Variants in NCKAP5 observed in about 807,000 individuals in gnomAD.
NCKAP5 encodes nck-associated protein 5.
Under a neutral mutation model 167.0 loss-of-function variants are expected in NCKAP5, and 92 were observed. That is an observed-to-expected ratio of 0.55 (90% CI 0.47 to 0.66). The LOEUF (loss-of-function observed/expected upper bound fraction) is 0.66. Ranked by LOEUF, NCKAP5 falls within the 30% of genes least tolerant of loss-of-function variation. The probability of loss-of-function intolerance (pLI) is 0.00; values close to 1 mark genes in which losing one functional copy is unlikely to be tolerated. For missense variants in NCKAP5, 2,378 were observed against 2,315.0 expected (o/e 1.03, Z -0.56); for synonymous variants, 891 against 877.4 (o/e 1.02, Z -0.27).
At chr2:132,928,220 C>T (rs1696069763) in intron 8 of NCKAP5, among the ~76,000 whole-genome samples, 1 of 152,072 alleles carries the variant, frequency 6.6e-6, no homozygotes, top group African/African-American at 2.4e-5. Context: ...AAAATGGTTA[C>T]AATAATACAA....
chr2:132,769,375 T>G (rs1681821895), intron 16 of NCKAP5, among the ~76,000 whole-genome samples: 1 of 152,206 alleles, frequency 6.6e-6, no homozygotes, highest in Admixed American at 6.5e-5. Flanking sequence ...TCAAAGACAT[T>G]AGTTAATATT....
chr2:133,140,943 CA>C (rs1443286142), intron 5 of NCKAP5, among the ~76,000 whole-genome samples: 1 of 151,982 alleles, frequency 6.6e-6, no homozygotes, highest in Non-Finnish European at 1.5e-5. Flanking sequence ...CAAACACAGT[CA>C]CAAAACCCCA....
chr2:132,890,839 T>C (rs1369061718), intron 8 of NCKAP5, among the ~76,000 whole-genome samples: 1 of 152,206 alleles, frequency 6.6e-6, no homozygotes, highest in African/African-American at 2.4e-5. Flanking sequence ...CTAGGGCTGC[T>C]GGGCATCTTG....
chr2:133,529,570 T>C (rs2104819477), intron 2 of NCKAP5, among the ~76,000 whole-genome samples: 1 of 152,364 alleles, frequency 6.6e-6, no homozygotes, highest in African/African-American at 2.4e-5. Flanking sequence ...TGAGTTTCTC[T>C]ATAAAGCATA....
At chr2:133,469,196 G>C (rs952965887) in intron 3 of NCKAP5, among the ~76,000 whole-genome samples, 1 of 151,676 alleles carries the variant, frequency 6.6e-6, no homozygotes, top group African/African-American at 2.4e-5. Flanking sequence ...GCTCTTTTAG[G>C]GCAGGCCTGG....
intron 3 of NCKAP5, among the ~76,000 whole-genome samples, chr2:133,385,655 C>T (rs1425025135): frequency 1.3e-5 from 2 of 152,064 alleles, no homozygotes; most frequent in Admixed American, 6.6e-5. Context: ...TGGTAGAATT[C>T]GGCTGTGAAT....
At chr2:133,510,886 A>G (rs1444412822) in intron 3 of NCKAP5, among the ~76,000 whole-genome samples, 2 of 152,216 alleles carry the variant, frequency 1.3e-5, no homozygotes, top group African/African-American at 4.8e-5. Flanking sequence ...TCTCATTTGT[A>G]AAATAGGGGT....
intron 3 of NCKAP5, among the ~76,000 whole-genome samples, chr2:133,373,323 T>C (rs1043698916): frequency 1.3e-5 from 2 of 152,180 alleles, no homozygotes; most frequent in African/African-American, 4.8e-5. Context: ...CCTCCCAAAG[T>C]GCTGGGATTA....
intron 6 of NCKAP5, among the ~76,000 whole-genome samples, chr2:133,116,214 G>A (rs1034822157): frequency 5.8e-5 from 5 of 86,154 alleles, no homozygotes; most frequent in East Asian, 1.0e-3. Context: ...GTGGCCGGGC[G>A]CGGTGGCTCA....
rs1694038693 is a variant in NCKAP5 at position 132,906,756 on chromosome 2, C to T, written c.580-27840G>A. ...AGCAAACATAAAACATGGAGTCAAACTCTTTATTACAGTTGAGGTTGAAGA... is the reference window on the plus strand; with the variant it reads ...AGCAAACATAAAACATGGAGTCAAATTCTTTATTACAGTTGAGGTTGAAGA... On this transcript the variant is annotated intron_variant, in intron 8 of 19. Coordinates refer to ENST00000409261, the MANE Select transcript of NCKAP5 (RefSeq NM_207363.3). Among the ~76,000 whole-genome samples the T allele has an allele frequency of 2.6e-5, 4 of 152,284 alleles. No individual in the cohort carries two copies. In the South Asian group the frequency reaches 8.3e-4, roughly 32 times the overall value.
At chr2:133,051,057 G>T (rs927789707) in intron 6 of NCKAP5, among the ~76,000 whole-genome samples, 2 of 152,084 alleles carry the variant, frequency 1.3e-5, no homozygotes, top group Non-Finnish European at 2.9e-5. Flanking sequence ...CAGATTAATG[G>T]ATTTTTTTTC....
chr2:133,288,947 G>A (rs1574612085), intron 4 of NCKAP5, among the ~76,000 whole-genome samples: 5 of 152,160 alleles, frequency 3.3e-5, no homozygotes, highest in Middle Eastern at 3.4e-3. Context: ...AATAACTGCC[G>A]AAGTCATTTC....
Position 133,322,410 on chromosome 2 carries a change from T to C in NCKAP5, c.70-19300A>G, listed in dbSNP as rs77000178. On this transcript the variant is annotated intron_variant, in intron 3 of 19. Coordinates refer to ENST00000409261, the MANE Select transcript of NCKAP5 (RefSeq NM_207363.3). ...AGAGAGTGAGCTTGTGGAAAGATAA[T>C]TGATAAACTACATTTTACATGATAC... Among the ~76,000 whole-genome samples, 130 of 152,294 alleles carry C rather than the reference T, an allele frequency of 8.5e-4. 1 individual carries two copies. The highest frequency in any genetic ancestry group is 3.0e-3 in the African/African-American group (124 of 41,548).
At chr2:132,767,049 A>T (rs568667641) in intron 16 of NCKAP5, among the ~76,000 whole-genome samples, 2 of 152,254 alleles carry the variant, frequency 1.3e-5, no homozygotes, top group African/African-American at 4.8e-5. Flanking sequence ...CTTTGTCTCA[A>T]TTCCTAGCCT....
intron 2 of NCKAP5, among the ~76,000 whole-genome samples, chr2:133,519,605 G>A (rs1173783436): frequency 6.6e-6 from 1 of 152,120 alleles, no homozygotes; most frequent in Non-Finnish European, 1.5e-5. Flanking sequence ...ACCCTCCTAA[G>A]TCTTGATCCC....
At chr2:133,451,218 C>A (rs1341312719) in intron 3 of NCKAP5, among the ~76,000 whole-genome samples, 1 of 152,122 alleles carries the variant, frequency 6.6e-6, no homozygotes, top group African/African-American at 2.4e-5. Flanking sequence ...GACCCAGAAG[C>A]CATTCTTTAC....
chr2:133,317,794 C>A (rs1369853558), intron 3 of NCKAP5, among the ~76,000 whole-genome samples: 1 of 152,152 alleles, frequency 6.6e-6, no homozygotes, highest in African/African-American at 2.4e-5. Flanking sequence ...AACACCAGGA[C>A]TGGTATAATG....
chr2:132,850,811 A>G (rs561460552), intron 11 of NCKAP5, among the ~76,000 whole-genome samples: 10 of 151,798 alleles, frequency 6.6e-5, no homozygotes, highest in Non-Finnish European at 1.2e-4. Flanking sequence ...CTGCTTTCCT[A>G]CTTCTGAGGT....
In NCKAP5 at chr2:132,882,318, G is replaced by A. The variant is rs373735802; in HGVS notation, c.580-3402C>T. The stretch of plus-strand genomic sequence containing the variant: ...TACCAAGGAGTCACTGCTTCTAGTC[G>A]CTTTCAGTGGAAGGATTTTTCCACA... On this transcript the variant is annotated intron_variant, in intron 8 of 19. Transcript: ENST00000409261. 6.0e-4 allele frequency among the ~76,000 whole-genome samples: 91 copies of A among 152,080 alleles called. 1 individual carries two copies. In the South Asian group the frequency reaches 0.018, roughly 30 times the overall value.
Sources: gnomAD v4.1 joint callset for allele counts (sites outside exome capture counted in the v4.1 genomes callset) on GRCh38, gnomAD v4.1.1 for gene constraint, MANE v1.5 for transcripts, NCBI Gene and HGNC (gene_info 2026-07-23, HGNC 2026-07-21) for gene names.